Variants in PPP2R5E observed in about 807,000 individuals in gnomAD.
PPP2R5E encodes protein phosphatase 2 regulatory subunit B'epsilon.
PPP2R5E carries 4 observed loss-of-function variants against 65.3 expected under a neutral mutation model. The observed-to-expected ratio is 0.06, with a 90% CI of 0.03 to 0.14. The LOEUF is 0.14. PPP2R5E is among the 10% of genes least tolerant of loss of function. The pLI is 1.00. For synonymous variants in PPP2R5E, 183 were observed against 187.4 expected (o/e 0.98, Z 0.19); for missense variants, 274 against 556.1 (o/e 0.49, Z 5.10).
intron 2 of PPP2R5E, among the ~76,000 whole-genome samples, chr14:63,472,569 C>T (rs1890185244): frequency 6.6e-6 from 1 of 152,228 alleles, no homozygotes; most frequent in Non-Finnish European, 1.5e-5. Context: ...TTATCACCAG[C>T]ACAGCCTAAG....
intron 2 of PPP2R5E, among the ~76,000 whole-genome samples, chr14:63,493,976 T>A (rs1407003329): frequency 6.6e-6 from 1 of 152,150 alleles, no homozygotes; most frequent in African/African-American, 2.4e-5. Flanking sequence ...AATACTCTAC[T>A]AGAAATGTAA....
intron 2 of PPP2R5E, among the ~76,000 whole-genome samples, chr14:63,527,463 A>G (rs1382107872): frequency 2.0e-5 from 3 of 152,260 alleles, no homozygotes; most frequent in Non-Finnish European, 4.4e-5. Context: ...AAAAGACGTT[A>G]GTAAACATTT....
At chr14:63,530,908 C>T (rs189588096) in intron 2 of PPP2R5E, among the ~76,000 whole-genome samples, 4 of 152,202 alleles carry the variant, frequency 2.6e-5, no homozygotes, top group East Asian at 1.9e-4. Context: ...TGAGCCACCG[C>T]GCCTGGCCAA....
At position 63,373,505 on chromosome 14, in the gene PPP2R5E, AAAAG is replaced by A. The variant is rs1402521462; in HGVS notation, c.*2500_*2503del. ...ATGTCACATTGTCACTTTCCATTAA[AAAAG>A]AAAAAGACGGTGTTTCTTCTCAGAA... On this transcript the variant is annotated 3_prime_UTR_variant, in exon 14 of 14. Coordinates refer to ENST00000337537, the MANE Select transcript of PPP2R5E (RefSeq NM_006246.5). 8.3e-6 allele frequency: 1 copy of A among 120,486 alleles called. No homozygotes were observed. The highest frequency in any genetic ancestry group is 1.7e-5 in the Non-Finnish European group (1 of 58,092). 7.5% of individuals were successfully genotyped at this position (120,486 alleles called of 1,614,324 possible).
chr14:63,538,469 G>A (rs1182866894), intron 2 of PPP2R5E, among the ~76,000 whole-genome samples: 1 of 150,918 alleles, frequency 6.6e-6, no homozygotes, highest in Non-Finnish European at 1.5e-5. Flanking sequence ...TGGCCAGGCT[G>A]GTCTCAAACT....
intron 2 of PPP2R5E, among the ~76,000 whole-genome samples, chr14:63,497,747 C>CA (rs776919024): frequency 1.2e-3 from 168 of 137,760 alleles, no homozygotes; most frequent in African/African-American, 4.5e-3. Flanking sequence ...GACTCCATCT[C>CA]AAAAAAACAA....
chr14:63,443,631 C>T (rs995149425), intron 3 of PPP2R5E, among the ~76,000 whole-genome samples: 7 of 152,132 alleles, frequency 4.6e-5, no homozygotes, highest in Admixed American at 2.6e-4. Flanking sequence ...GCCCTACTCC[C>T]ATTCTGATAA....
intron 2 of PPP2R5E, among the ~76,000 whole-genome samples, chr14:63,476,501 AT>A (rs979030536): frequency 2.6e-5 from 4 of 152,168 alleles, no homozygotes; most frequent in African/African-American, 9.6e-5. Context: ...GCTAAAGTTT[AT>A]ATTATTAATA....
intron 12 of PPP2R5E, among the ~76,000 whole-genome samples, chr14:63,383,337 T>A (rs1490592710): frequency 6.6e-6 from 1 of 152,238 alleles, no homozygotes; most frequent in South Asian, 2.1e-4. Flanking sequence ...TTCCAAAACA[T>A]TTACAAGAAA....
At chr14:63,483,850 C>T (rs1320942161) in intron 2 of PPP2R5E, among the ~76,000 whole-genome samples, 5 of 151,976 alleles carry the variant, frequency 3.3e-5, no homozygotes, top group African/African-American at 4.8e-5. Context: ...TTTGGGAGGC[C>T]GAGGCGGGTG....
At chr14:63,458,152 G>A (rs1014255187) in intron 2 of PPP2R5E, among the ~76,000 whole-genome samples, 1 of 152,190 alleles carries the variant, frequency 6.6e-6, no homozygotes, top group African/African-American at 2.4e-5. Context: ...GAGTGAGGAT[G>A]CAATCTCAGA....
chr14:63,455,940 T>C (rs139753281), intron 2 of PPP2R5E, among the ~76,000 whole-genome samples: 2,303 of 152,262 alleles, frequency 0.015, 72 homozygotes, highest in African/African-American at 0.052. Flanking sequence ...CTAATTTTTG[T>C]ATTTTTAGTA....
intron 5 of PPP2R5E, among the ~76,000 whole-genome samples, chr14:63,401,332 T>C (rs141706786): frequency 1.7e-4 from 26 of 152,154 alleles, no homozygotes; most frequent in African/African-American, 5.8e-4. Flanking sequence ...AAAAAAGAAA[T>C]ATAATCCCAC....
At chr14:63,495,689 G>GT (rs551361323) in intron 2 of PPP2R5E, among the ~76,000 whole-genome samples, 11 of 151,570 alleles carry the variant, frequency 7.3e-5, no homozygotes, top group Non-Finnish European at 1.6e-4. Context: ...CATTTTTGGG[G>GT]TTTTTTTGTT....
In PPP2R5E at chr14:63,471,594, C is replaced by G. The variant is rs531818208; in HGVS notation, c.158-17709G>C. 3.9e-5 allele frequency among the ~76,000 whole-genome samples: 6 copies of G among 152,252 alleles called. No homozygotes were observed. The East Asian group carries it at 1.2e-3, about 29-fold the overall frequency. On this transcript the variant is annotated intron_variant, in intron 2 of 13. Transcript: ENST00000337537. ...TATAAGGAGTTTACATGTATTAACT[C>G]CTTTAATCCTTTCTACAATGCTGTG...
intron 2 of PPP2R5E, among the ~76,000 whole-genome samples, chr14:63,467,567 G>A (rs1889900295): frequency 1.3e-5 from 2 of 152,148 alleles, no homozygotes; most frequent in Admixed American, 6.5e-5. Flanking sequence ...AGAAATAAGA[G>A]TTGACCTTAA....
At chr14:63,537,618 A>T (rs374882395) in intron 2 of PPP2R5E, among the ~76,000 whole-genome samples, 9 of 152,360 alleles carry the variant, frequency 5.9e-5, no homozygotes, top group African/African-American at 2.2e-4. Flanking sequence ...TGGAAAAAAT[A>T]GAAGCTTGAA....
intron 2 of PPP2R5E, among the ~76,000 whole-genome samples, chr14:63,464,181 A>G (rs766124500): frequency 3.7e-4 from 57 of 152,228 alleles, no homozygotes; most frequent in Non-Finnish European, 4.6e-4. Flanking sequence ...TACTGTGATA[A>G]CATAATGAAG....
At chr14:63,536,498 T>C (rs939217721) in intron 2 of PPP2R5E, among the ~76,000 whole-genome samples, 4 of 152,156 alleles carry the variant, frequency 2.6e-5, no homozygotes, top group Non-Finnish European at 4.4e-5. Context: ...ATTCAACATA[T>C]GATCCAGCAA....
Sources: gnomAD v4.1 joint callset for allele counts (sites outside exome capture counted in the v4.1 genomes callset) on GRCh38, gnomAD v4.1.1 for gene constraint, MANE v1.5 for transcripts, NCBI Gene and HGNC (gene_info 2026-07-23, HGNC 2026-07-21) for gene names.